WWOX: variants seen among roughly 807,000 people sequenced by gnomAD.
WWOX encodes WW domain containing oxidoreductase, also known as WW domain-containing oxidoreductase.
A neutral mutation model predicts 46.2 loss-of-function variants in WWOX; 69 were observed. The observed-to-expected ratio is 1.49, with a 90% CI of 1.23 to 1.82. The LOEUF is 1.82. Ranked by LOEUF, WWOX falls within the 40% of genes most tolerant of loss-of-function variation. WWOX has a pLI of 0.00. For missense variants in WWOX, 919 were observed against 542.6 expected, an observed-to-expected ratio of 1.69 and a Z score of -6.89; for synonymous variants, 359 against 202.6, an observed-to-expected ratio of 1.77 and a Z score of -6.56.
At chr16:79,001,607 A>G (rs62038698) in intron 8 of WWOX, among the ~76,000 whole-genome samples, 2,984 of 152,206 alleles carry the variant, frequency 0.02, 59 homozygotes, top group Non-Finnish European at 0.031. Flanking sequence ...GGTGCATGCA[A>G]TAAATCACTT....
At chr16:78,620,628 G>C (rs2046155866) in intron 8 of WWOX, among the ~76,000 whole-genome samples, 1 of 152,138 alleles carries the variant, frequency 6.6e-6, no homozygotes. Context: ...TTTAGTATTT[G>C]TCAGTGTACT....
At chr16:78,335,429 C>A (rs918071261) in intron 5 of WWOX, among the ~76,000 whole-genome samples, 1 of 152,168 alleles carries the variant, frequency 6.6e-6, no homozygotes, top group Non-Finnish European at 1.5e-5. Flanking sequence ...CTTCCAGCTC[C>A]ATCCATGTCC....
chr16:78,892,021 C>A (rs1277741891), intron 8 of WWOX: 1 of 152,058 alleles, frequency 6.6e-6, no homozygotes, highest in Admixed American at 6.6e-5. Context: ...TTTAAAACTC[C>A]AGGCCTATAA....
chr16:78,483,376 T>C (rs894658769), intron 8 of WWOX, among the ~76,000 whole-genome samples: 1 of 89,662 alleles, frequency 1.1e-5, no homozygotes, highest in Admixed American at 9.8e-5. Flanking sequence ...ACATGGAAGA[T>C]TTTTTTTTTT....
intron 8 of WWOX, among the ~76,000 whole-genome samples, chr16:78,951,430 C>T (rs1597196377): frequency 6.6e-6 from 1 of 152,072 alleles, no homozygotes; most frequent in Admixed American, 6.5e-5. Flanking sequence ...TCTGTCTGGA[C>T]CTGGAATAAA....
chr16:78,931,925 G>A (rs2045632064), intron 8 of WWOX, among the ~76,000 whole-genome samples: 1 of 152,166 alleles, frequency 6.6e-6, no homozygotes, highest in East Asian at 1.9e-4. Flanking sequence ...TAGTGAATAA[G>A]TCCCATGAGA....
At chr16:78,128,680 G>T (rs1251644963) in intron 4 of WWOX, among the ~76,000 whole-genome samples, 1 of 152,184 alleles carries the variant, frequency 6.6e-6, no homozygotes, top group African/African-American at 2.4e-5. Flanking sequence ...CAAAGCAAAA[G>T]AATGAAAATA....
At chr16:79,035,137 T>C (rs2047840689) in intron 8 of WWOX, among the ~76,000 whole-genome samples, 1 of 152,244 alleles carries the variant, frequency 6.6e-6, no homozygotes, top group Non-Finnish European at 1.5e-5. Context: ...ATCTGTGATC[T>C]CATCATTTGA....
At chr16:78,434,413 T>C (rs2083292395) in intron 8 of WWOX, among the ~76,000 whole-genome samples, 1 of 152,172 alleles carries the variant, frequency 6.6e-6, no homozygotes, top group Admixed American at 6.5e-5. Context: ...TCTTTGACCA[T>C]GGTTATGCCT....
chr16:79,075,471 T>C lies in WWOX; in HGVS notation c.1057-136137T>C, dbSNP rs192289430. On this transcript the variant is annotated intron_variant, in intron 8 of 8. Coordinates refer to ENST00000566780, the MANE Select transcript of WWOX (RefSeq NM_016373.4). ...TAGTTGTAGCCATATGATTGTTGCT[T>C]TCATTGTTGCTTACATGTGTTAAAT... 1.9e-3 allele frequency among the ~76,000 whole-genome samples: 285 copies of C among 152,350 alleles called. 1 individual carries two copies. Among genetic ancestry groups the C allele is most frequent in the Non-Finnish European group, 3.7e-3 (250 of 68,028 alleles).
Position 79,211,989 on chromosome 16 carries a change from T to G in WWOX, c.*193T>G, listed in dbSNP as rs2051776912. 3 of 1,533,846 alleles carry G rather than the reference T, an allele frequency of 2.0e-6. No individual in the cohort carries two copies. ...GGGAATTCCTGGGGTAAAGTATCAC[T>G]TTTCTGGGGCTGGGCTAGGCATAGG... On this transcript the variant is annotated 3_prime_UTR_variant, in exon 9 of 9. Transcript: ENST00000566780.
chr16:78,859,301 C>T (rs1031217522), intron 8 of WWOX, among the ~76,000 whole-genome samples: 1 of 151,492 alleles, frequency 6.6e-6, no homozygotes, highest in Non-Finnish European at 1.5e-5. Flanking sequence ...ATTGATTTTT[C>T]CCCCCTGCTG....
intron 8 of WWOX, among the ~76,000 whole-genome samples, chr16:78,657,142 C>T (rs1384235567): frequency 6.6e-6 from 1 of 152,192 alleles, no homozygotes. Flanking sequence ...GTCACCTTCA[C>T]CACCACCCAA....
chr16:78,457,410 T>A (rs2083845301), intron 8 of WWOX, among the ~76,000 whole-genome samples: 1 of 152,248 alleles, frequency 6.6e-6, no homozygotes, highest in East Asian at 1.9e-4. Context: ...AACCAGGTAT[T>A]GCTTCGTGTC....
chr16:78,658,104 C>G (rs1477030986), intron 8 of WWOX, among the ~76,000 whole-genome samples: 1 of 151,978 alleles, frequency 6.6e-6, no homozygotes, highest in Admixed American at 6.6e-5. Flanking sequence ...TGGCCTCTAC[C>G]CACTAGATGC....
At chr16:79,025,362 G>C (rs1243690583) in intron 8 of WWOX, among the ~76,000 whole-genome samples, 2 of 152,170 alleles carry the variant, frequency 1.3e-5, no homozygotes, top group Admixed American at 6.5e-5. Flanking sequence ...TTGAGAAAAA[G>C]GGTCTTTGCA....
chr16:78,397,109 A>T lies in WWOX; in HGVS notation c.605+10161A>T, dbSNP rs1204542666. 2.0e-5 allele frequency among the ~76,000 whole-genome samples: 3 copies of T among 152,200 alleles called. No individual in the cohort carries two copies. In the East Asian group the frequency reaches 5.8e-4, roughly 29 times the overall value. On this transcript the variant is annotated intron_variant, in intron 6 of 8. Transcript: ENST00000566780. ...GTGCATAGTTAATTTCAATTCTTTG[A>T]AGAAACTCCCCCATGATATTTCACG...
chr16:78,458,139 A>G (rs2151420539), intron 8 of WWOX, among the ~76,000 whole-genome samples: 1 of 152,068 alleles, frequency 6.6e-6, no homozygotes, highest in African/African-American at 2.4e-5. Flanking sequence ...CTAGAAGAGA[A>G]ATCCCTCAGA....
At chr16:78,204,380 C>G (rs937092501) in intron 5 of WWOX, among the ~76,000 whole-genome samples, 5 of 151,954 alleles carry the variant, frequency 3.3e-5, no homozygotes, top group Admixed American at 6.6e-5. Context: ...GGTATCCAAC[C>G]CCTCAAACAT....
Sources: gnomAD v4.1 joint callset for allele counts (sites outside exome capture counted in the v4.1 genomes callset) on GRCh38, gnomAD v4.1.1 for gene constraint, MANE v1.5 for transcripts, NCBI Gene and HGNC (gene_info 2026-07-23, HGNC 2026-07-21) for gene names.